Variants in PIR observed in about 807,000 individuals in gnomAD.
The protein encoded by PIR is pirin.
PIR carries 22 observed loss-of-function variants against 24.2 expected under a neutral mutation model. The observed-to-expected ratio is 0.91, with a 90% CI of 0.65 to 1.30. The LOEUF is 1.30. Ranked by LOEUF, PIR falls within the 50% of genes most tolerant of loss-of-function variation. The pLI is 0.00. For missense variants in PIR, 220 were observed against 220.3 expected (o/e 1.00, Z 0.01); for synonymous variants, 80 against 79.6 (o/e 1.00, Z -0.03).
chrX:15,475,872 C>G (rs745980144), intron 3 of PIR, among the ~76,000 whole-genome samples: 1 of 112,326 alleles, frequency 8.9e-6, no homozygotes, highest in South Asian at 3.7e-4. Flanking sequence ...GTTGTGACCA[C>G]CAGCTGTGCC....
chrX:15,446,510 T>C (rs997400545), intron 5 of PIR, among the ~76,000 whole-genome samples: 6 of 112,003 alleles, frequency 5.4e-5, no homozygotes, highest in African/African-American at 1.9e-4. Context: ...CACAATGTTT[T>C]AAGAAAGTAT....
chrX:15,432,900 G>T (rs1925556894), intron 5 of PIR, among the ~76,000 whole-genome samples: 1 of 112,312 alleles, frequency 8.9e-6, no homozygotes. Context: ...ACTAGATGCA[G>T]TGGGTATAAG....
chrX:15,389,755 A>C (rs1395773147), intron 9 of PIR, among the ~76,000 whole-genome samples: 2 of 111,323 alleles, frequency 1.8e-5, no homozygotes, highest in Non-Finnish European at 3.8e-5. Flanking sequence ...TTTCTTAAAA[A>C]TACTATTCCT....
intron 6 of PIR, among the ~76,000 whole-genome samples, chrX:15,408,292 G>A (rs1234299134): frequency 9.0e-6 from 1 of 111,337 alleles, no homozygotes; most frequent in African/African-American, 3.3e-5. Context: ...TAGTTCCAGT[G>A]CATTCTAGTT....
intron 5 of PIR, among the ~76,000 whole-genome samples, chrX:15,446,977 A>G (rs1456387800): frequency 8.9e-6 from 1 of 112,444 alleles, no homozygotes; most frequent in Non-Finnish European, 1.9e-5. Context: ...GTTACTATCA[A>G]TGATTTAGAG....
At chrX:15,396,961 C>T (rs1330824793) in intron 8 of PIR, among the ~76,000 whole-genome samples, 2 of 111,519 alleles carry the variant, frequency 1.8e-5, no homozygotes, top group Non-Finnish European at 1.9e-5. Flanking sequence ...AGGATGGTCT[C>T]GATTTCCTGA....
At chrX:15,470,299 T>C (rs1268469144) in intron 3 of PIR, among the ~76,000 whole-genome samples, 1 of 111,832 alleles carries the variant, frequency 8.9e-6, no homozygotes, top group Non-Finnish European at 1.9e-5. Context: ...TTCTCATATA[T>C]CAGTAGTTAA....
intron 5 of PIR, among the ~76,000 whole-genome samples, chrX:15,432,877 T>C (rs1417377136): frequency 2.7e-5 from 3 of 110,939 alleles, no homozygotes; most frequent in Non-Finnish European, 5.7e-5. Flanking sequence ...GATAGAAAGG[T>C]TTTTGCTGAG....
In PIR at chrX:15,394,797, A is replaced by T. The variant is rs748426610; in HGVS notation, c.693+2652T>A. Among the ~76,000 whole-genome samples, 6 of 111,838 alleles carry T rather than the reference A, an allele frequency of 5.4e-5. No individual in the cohort carries two copies. The East Asian group carries it at 1.1e-3, about 21-fold the overall frequency. On this transcript the variant is annotated intron_variant, in intron 8 of 9. Transcript: ENST00000380420. Reference sequence around the variant, plus strand: ...CTGGAGTTGATTCCAATCTCTAAGAACTCTGAAAAAGTTCTAAGATGGAAC... The same window carrying T: ...CTGGAGTTGATTCCAATCTCTAAGATCTCTGAAAAAGTTCTAAGATGGAAC...
intron 6 of PIR, among the ~76,000 whole-genome samples, chrX:15,422,102 T>C (rs1416712794): frequency 9.0e-6 from 1 of 111,256 alleles, no homozygotes; most frequent in Non-Finnish European, 1.9e-5. Flanking sequence ...TCAACATCTC[T>C]TTATGACAAA....
chrX:15,485,062 G>C (rs1922739458), intron 2 of PIR, among the ~76,000 whole-genome samples: 1 of 112,156 alleles, frequency 8.9e-6, no homozygotes, highest in African/African-American at 3.2e-5. Context: ...ATTTAATAAG[G>C]AGCCTTGTCA....
At chrX:15,409,557 C>G (rs1328482661) in intron 6 of PIR, among the ~76,000 whole-genome samples, 2 of 111,142 alleles carry the variant, frequency 1.8e-5, no homozygotes, top group Admixed American at 9.6e-5. Flanking sequence ...GCTGAAAACA[C>G]ACACTAATAA....
At chrX:15,454,198 T>C (rs1399494956) in intron 5 of PIR, among the ~76,000 whole-genome samples, 2 of 111,503 alleles carry the variant, frequency 1.8e-5, no homozygotes, top group African/African-American at 6.5e-5. Context: ...CACAGGATCT[T>C]AACCCTCTTC....
At chrX:15,486,612 A>G (rs963390253) in intron 2 of PIR, among the ~76,000 whole-genome samples, 1 of 111,776 alleles carries the variant, frequency 8.9e-6, no homozygotes, top group Non-Finnish European at 1.9e-5. Flanking sequence ...GCAGGGTGGA[A>G]CTTTTAGGAA....
intron 5 of PIR, among the ~76,000 whole-genome samples, chrX:15,426,833 T>C (rs1316466989): frequency 8.9e-6 from 1 of 111,941 alleles, no homozygotes; most frequent in Non-Finnish European, 1.9e-5. Flanking sequence ...TGCTTGGCCA[T>C]GTGTAGCACA....
intron 9 of PIR, among the ~76,000 whole-genome samples, chrX:15,387,073 CTTTTTTTTTTT>C (rs764572854): frequency 3.1e-4 from 4 of 12,715 alleles, no homozygotes; most frequent in Admixed American, 2.9e-3. Context: ...CTTTTCTTTT[CTTTTTTTTTTT>C]TTTTTTTTTT....
chrX:15,398,669 GGTGTGTGTGTGTGT>G (rs371177726), intron 7 of PIR, among the ~76,000 whole-genome samples: 4 of 76,117 alleles, frequency 5.3e-5, no homozygotes, highest in South Asian at 7.9e-4. Flanking sequence ...GAGGAGGGAG[GGTGTGTGTGTGTGT>G]GTGTGTGTGT....
chrX:15,395,468 A>G lies in PIR; in HGVS notation c.693+1981T>C, dbSNP rs181851530. 3.8e-3 allele frequency among the ~76,000 whole-genome samples: 426 copies of G among 112,307 alleles called. 1 individual carries two copies. Among genetic ancestry groups the G allele is most frequent in the African/African-American group, 0.013 (392 of 30,973 alleles). On this transcript the variant is annotated intron_variant, in intron 8 of 9. Coordinates refer to ENST00000380420, the MANE Select transcript of PIR (RefSeq NM_001018109.3). Reference sequence around the variant, plus strand: ...AAACGAATGGGTGTGGCTGTGGTCCAATAAAACTTTATGAAAAAGGTTTGG... The same window carrying G: ...AAACGAATGGGTGTGGCTGTGGTCCGATAAAACTTTATGAAAAAGGTTTGG...
intron 7 of PIR, among the ~76,000 whole-genome samples, chrX:15,406,598 C>T (rs1358962200): frequency 1.8e-5 from 2 of 111,733 alleles, no homozygotes; most frequent in African/African-American, 6.5e-5. Context: ...ATTAGTTGGT[C>T]AGTGGGCACT....
Sources: gnomAD v4.1 joint callset for allele counts (sites outside exome capture counted in the v4.1 genomes callset) on GRCh38, gnomAD v4.1.1 for gene constraint, MANE v1.5 for transcripts, NCBI Gene and HGNC (gene_info 2026-07-23, HGNC 2026-07-21) for gene names.